The following NRXN3 variants were observed in gnomAD, a reference collection of about 807,000 sequenced individuals.
NRXN3 encodes neurexin III.
Under a neutral mutation model 137.6 loss-of-function variants are expected in NRXN3, and 32 were observed. The observed-to-expected ratio is 0.23, with a 90% CI of 0.18 to 0.31. The LOEUF is 0.31. Ranked by LOEUF, NRXN3 falls within the 10% of genes least tolerant of loss-of-function variation. The pLI, the probability that NRXN3 is intolerant of heterozygous loss-of-function variation, is 1.00. For synonymous variants in NRXN3, 798 were observed against 784.5 expected (o/e 1.02, Z -0.29); for missense variants, 1,574 against 2,062.5 (o/e 0.76, Z 4.59).
chr14:79,210,736 T>C (rs1030677431), intron 15 of NRXN3, among the ~76,000 whole-genome samples: 1 of 152,194 alleles, frequency 6.6e-6, no homozygotes, highest in Non-Finnish European at 1.5e-5. Context: ...GATGCTTGGA[T>C]CAAAGTTACT....
In NRXN3 at chr14:78,952,751, T is replaced by C. The variant is rs148923546; in HGVS notation, c.2276-4491T>C. Among the ~76,000 whole-genome samples, 721 of 152,286 alleles carry C rather than the reference T, an allele frequency of 4.7e-3. 2 individuals carry two copies. Among genetic ancestry groups the C allele is most frequent in the African/African-American group, 0.017 (701 of 41,546 alleles). ...TAGAAATTTTGGTTCATGTGAAACA[T>C]AGTTTGAAGGGAAATCAAGTTACTG... is the stretch of plus-strand genomic sequence containing the variant. On this transcript the variant is annotated intron_variant, in intron 10 of 20. Coordinates refer to ENST00000335750, the MANE Select transcript of NRXN3 (RefSeq NM_001330195.2).
In NRXN3 at chr14:78,714,893, A is replaced by G; in HGVS notation, c.1798A>G (p.Thr600Ala). ...AGLILPTELWTAMLNYGYVGC... is the reference protein window; with the variant it reads ...AGLILPTELWAAMLNYGYVGC... ...CCTTATTCTCCCCACCGAGCTGTGGACTGCCATGCTCAACTATGGCTACGT... is the reference window on the plus strand; with the variant it reads ...CCTTATTCTCCCCACCGAGCTGTGGGCTGCCATGCTCAACTATGGCTACGT... The change falls in exon 8 of 21, where the codon ACT becomes GCT. Residue 600 changes from threonine (T) to alanine (A), a missense_variant. Physicochemically the swap from Thr to Ala is moderately conservative, Grantham distance 58. This residue lies in a region of NRXN3 where 718 missense variants were observed against 887.6 expected (regional missense o/e 0.81). Coordinates refer to ENST00000335750, the MANE Select transcript of NRXN3 (RefSeq NM_001330195.2). The G allele has an allele frequency of 6.2e-7, 1 of 1,614,122 alleles. No individual in the cohort carries two copies. The highest frequency in any genetic ancestry group is 1.3e-5 in the African/African-American group (1 of 75,030).
chr14:79,462,163 C>T (rs1439981578), intron 15 of NRXN3, among the ~76,000 whole-genome samples: 1 of 152,052 alleles, frequency 6.6e-6, no homozygotes, highest in Non-Finnish European at 1.5e-5. Context: ...CACCTGAGGT[C>T]AGGAGTTCGA....
intron 15 of NRXN3, among the ~76,000 whole-genome samples, chr14:79,177,804 G>C (rs1385089672): frequency 6.6e-6 from 1 of 152,146 alleles, no homozygotes; most frequent in Non-Finnish European, 1.5e-5. Context: ...GTTTGCTTTC[G>C]AGTTTGTGGA....
In NRXN3 at chr14:79,102,606, A is replaced by G. The variant is rs547726648; in HGVS notation, c.3262+114465A>G. Reference sequence around the variant, plus strand: ...ACAATCCAGAGCGACATATAGAGTTATGTAAATATATTTACCAAGTGTTAG... The same window carrying G: ...ACAATCCAGAGCGACATATAGAGTTGTGTAAATATATTTACCAAGTGTTAG... On this transcript the variant is annotated intron_variant, in intron 15 of 20. Coordinates refer to ENST00000335750, the MANE Select transcript of NRXN3 (RefSeq NM_001330195.2). Among the ~76,000 whole-genome samples, 8 of 152,354 alleles carry G rather than the reference A, an allele frequency of 5.3e-5. No homozygotes were observed. The East Asian group carries it at 1.5e-3, about 29-fold the overall frequency.
rs78628000 is a variant in NRXN3, at chr14:79,478,838, G to A, written c.3444+11436G>A. Reference sequence around the variant, plus strand: ...TTTCCAATAGGAAGATTAGCAACCAGGCAAGTGGCAGATCAGAGCCCAAAT... The same window carrying A: ...TTTCCAATAGGAAGATTAGCAACCAAGCAAGTGGCAGATCAGAGCCCAAAT... On this transcript the variant is annotated intron_variant, in intron 16 of 20. Coordinates refer to ENST00000335750, the MANE Select transcript of NRXN3 (RefSeq NM_001330195.2). Among the ~76,000 whole-genome samples the A allele has an allele frequency of 5.6e-4, 85 of 152,220 alleles. 1 individual carries two copies. The East Asian group carries it at 0.014, about 24-fold the overall frequency.
At chr14:78,289,562 C>G (rs926249278) in intron 3 of NRXN3, among the ~76,000 whole-genome samples, 1 of 151,872 alleles carries the variant, frequency 6.6e-6, no homozygotes, top group Non-Finnish European at 1.5e-5. Flanking sequence ...TTATTTTACT[C>G]TCTGTTCATG....
At chr14:78,585,073 C>A (rs1459137898) in intron 4 of NRXN3, among the ~76,000 whole-genome samples, 1 of 127,084 alleles carries the variant, frequency 7.9e-6, no homozygotes, top group Non-Finnish European at 1.6e-5. Flanking sequence ...AGGAAATATA[C>A]AAATACATAC....
In NRXN3 at chr14:79,101,449, C is replaced by T. The variant is rs368961927; in HGVS notation, c.3262+113308C>T. On this transcript the variant is annotated intron_variant, in intron 15 of 20. Coordinates refer to ENST00000335750, the MANE Select transcript of NRXN3 (RefSeq NM_001330195.2). The stretch of plus-strand genomic sequence containing the variant: ...CCAGCTAGCCACGACAGAAAAACGT[C>T]GGGATGAGGATGGTTCTTCAGTCAT... Among the ~76,000 whole-genome samples the T allele has an allele frequency of 2.6e-5, 4 of 152,176 alleles. No individual in the cohort carries two copies. The East Asian group carries it at 5.8e-4, about 22-fold the overall frequency.
At chr14:78,384,752 A>G (rs2089680104) in intron 4 of NRXN3, among the ~76,000 whole-genome samples, 1 of 152,134 alleles carries the variant, frequency 6.6e-6, no homozygotes, top group Non-Finnish European at 1.5e-5. Context: ...CCAGGATTCC[A>G]TGGAGCACAA....
chr14:78,635,674 G>A (rs1280846568), intron 4 of NRXN3, among the ~76,000 whole-genome samples: 1 of 152,142 alleles, frequency 6.6e-6, no homozygotes, highest in African/African-American at 2.4e-5. Context: ...TGCTATTCCA[G>A]TATAATCGCC....
At chr14:78,731,400 T>A (rs973511966) in intron 8 of NRXN3, among the ~76,000 whole-genome samples, 14 of 152,186 alleles carry the variant, frequency 9.2e-5, no homozygotes, top group South Asian at 4.2e-4. Flanking sequence ...CTGTAGAAAA[T>A]TTGGCACATG....
intron 14 of NRXN3, among the ~76,000 whole-genome samples, chr14:78,974,082 A>T (rs1173306700): frequency 6.6e-6 from 1 of 152,116 alleles, no homozygotes; most frequent in African/African-American, 2.4e-5. Flanking sequence ...AAGAATATAC[A>T]CTAGTTAGGA....
intron 17 of NRXN3, among the ~76,000 whole-genome samples, chr14:79,678,181 C>G (rs1387728391): frequency 1.3e-5 from 2 of 152,102 alleles, no homozygotes; most frequent in African/African-American, 4.8e-5. Context: ...CTTAGAATAG[C>G]TAGCTGTTGA....
At chr14:79,445,473 A>G (rs1176670473) in intron 15 of NRXN3, among the ~76,000 whole-genome samples, 1 of 152,210 alleles carries the variant, frequency 6.6e-6, no homozygotes, top group Non-Finnish European at 1.5e-5. Flanking sequence ...ATCAATTCTC[A>G]TGGACTTGCA....
intron 6 of NRXN3, among the ~76,000 whole-genome samples, chr14:78,693,351 G>A (rs984724026): frequency 5.3e-5 from 8 of 151,636 alleles, no homozygotes; most frequent in African/African-American, 1.7e-4. Flanking sequence ...TCTCTTAGTT[G>A]GATTTTTTGG....
intron 15 of NRXN3, among the ~76,000 whole-genome samples, chr14:79,204,578 C>T (rs2066523491): frequency 6.6e-6 from 1 of 152,008 alleles, no homozygotes; most frequent in African/African-American, 2.4e-5. Flanking sequence ...TTACATATTC[C>T]TTGTGAGGGT....
chr14:78,317,393 T>C (rs1362686065), intron 4 of NRXN3, among the ~76,000 whole-genome samples: 1 of 152,130 alleles, frequency 6.6e-6, no homozygotes, highest in East Asian at 1.9e-4. Context: ...TAGATTCTCA[T>C]AGGAGTGCAA....
intron 10 of NRXN3, among the ~76,000 whole-genome samples, chr14:78,916,299 C>T (rs154375): frequency 0.012 from 1,843 of 152,212 alleles, 38 homozygotes; most frequent in African/African-American, 0.042. Flanking sequence ...ATTTATGGTG[C>T]AAACTGGGTG....
Sources: gnomAD v4.1 joint callset for allele counts (sites outside exome capture counted in the v4.1 genomes callset) on GRCh38, gnomAD v4.1.1 for gene constraint, gnomAD v4.1.1 regional missense constraint, MANE v1.5 for transcripts, NCBI Gene and HGNC (gene_info 2026-07-23, HGNC 2026-07-21) for gene names.